The following MICAL3 variants were observed in gnomAD, a reference collection of about 807,000 sequenced individuals.
MICAL3 encodes [F-actin]-monooxygenase MICAL3.
MICAL3 carries 62 observed loss-of-function variants against 207.4 expected under a neutral mutation model. The observed-to-expected ratio is 0.30, with a 90% CI of 0.24 to 0.37. The LOEUF is 0.37. MICAL3 is among the 10% of genes least tolerant of loss of function. The pLI is 1.00. For missense variants in MICAL3, 2,368 were observed against 2,635.6 expected (o/e 0.90, Z 2.22); for synonymous variants, 1,077 against 1,069.3 (o/e 1.01, Z -0.14).
At chr22:17,958,234 C>T (rs562660179) in intron 1 of MICAL3, among the ~76,000 whole-genome samples, 1 of 152,314 alleles carries the variant, frequency 6.6e-6, no homozygotes, top group East Asian at 1.9e-4. Flanking sequence ...TCTCCAATTC[C>T]TCTGTCCATT....
At chr22:17,833,720 C>T (rs1311055543) in intron 20 of MICAL3, among the ~76,000 whole-genome samples, 13 of 152,296 alleles carry the variant, frequency 8.5e-5, no homozygotes, top group Non-Finnish European at 1.2e-4. Flanking sequence ...TTGGGTAGCA[C>T]GGTATCCAGT....
At chr22:17,798,088 G>C (rs550714579) in intron 29 of MICAL3, among the ~76,000 whole-genome samples, 1 of 152,244 alleles carries the variant, frequency 6.6e-6, no homozygotes, top group African/African-American at 2.4e-5. Context: ...ATTTCCCCAG[G>C]GAACACGGGT....
chr22:17,804,401 G>A (rs2061969426), intron 29 of MICAL3, among the ~76,000 whole-genome samples: 1 of 152,248 alleles, frequency 6.6e-6, no homozygotes, highest in African/African-American at 2.4e-5. Context: ...ATGCCTTGCA[G>A]ACCCACTTTT....
At chr22:17,845,888 T>C (rs1183341985) in intron 19 of MICAL3, among the ~76,000 whole-genome samples, 1 of 152,230 alleles carries the variant, frequency 6.6e-6, no homozygotes, top group Non-Finnish European at 1.5e-5. Flanking sequence ...GCATCTGGAA[T>C]GACAGACACT....
At chr22:17,851,926 G>A (rs1925380910) in intron 19 of MICAL3, among the ~76,000 whole-genome samples, 2 of 152,220 alleles carry the variant, frequency 1.3e-5, no homozygotes, top group African/African-American at 4.8e-5. Flanking sequence ...GGCGGGTGAA[G>A]GGCAGAGGAG....
At chr22:17,978,665 G>A (rs9605470) in intron 1 of MICAL3, among the ~76,000 whole-genome samples, 1 of 151,342 alleles carries the variant, frequency 6.6e-6, no homozygotes, top group African/African-American at 2.4e-5. Context: ...ATTACAGGCA[G>A]CTACCACCAC....
intron 1 of MICAL3, among the ~76,000 whole-genome samples, chr22:17,930,263 A>G (rs1392209581): frequency 6.6e-6 from 1 of 152,234 alleles, no homozygotes; most frequent in East Asian, 1.9e-4. Context: ...TCTTGAAGCT[A>G]CATACACATC....
Position 17,828,418 on chromosome 22 carries a change from C to T in MICAL3, c.3056-637G>A, listed in dbSNP as rs987956227. ...GCTGCTGCTGGAGAGAAAAAGTCCC[C>T]GTCCCTTAGTGGGCCTCATGCTGCA... On this transcript the variant is annotated intron_variant, in intron 21 of 31. Transcript: ENST00000441493. Among the ~76,000 whole-genome samples the T allele has an allele frequency of 9.9e-5, 15 of 152,242 alleles. 1 individual carries two copies. Among genetic ancestry groups the T allele is most frequent in the African/African-American group, 2.9e-4 (12 of 41,470 alleles).
chr22:17,927,907 T>C (rs1357755319), intron 1 of MICAL3, among the ~76,000 whole-genome samples: 2 of 152,154 alleles, frequency 1.3e-5, no homozygotes, highest in African/African-American at 4.8e-5. Context: ...AGACAGCAAG[T>C]GGCTCTGCGT....
intron 6 of MICAL3, 69 bp from the exon 7 acceptor site, chr22:17,899,617 G>T: frequency 9.9e-7 from 1 of 1,008,440 alleles, no homozygotes; most frequent in Non-Finnish European, 1.5e-6. Context: ...CAGGCTGAAA[G>T]GTTACACACA....
chr22:17,987,229 A>G (rs1921123873), intron 1 of MICAL3, among the ~76,000 whole-genome samples: 1 of 152,206 alleles, frequency 6.6e-6, no homozygotes, highest in Non-Finnish European at 1.5e-5. Context: ...TGACAGAGCA[A>G]GACCCTAACT....
At chr22:18,008,066 T>C (rs1002898428) in intron 1 of MICAL3, among the ~76,000 whole-genome samples, 7 of 147,044 alleles carry the variant, frequency 4.8e-5, no homozygotes, top group African/African-American at 1.8e-4. Context: ...CATGGTGAAA[T>C]ACTAAAATAC....
At position 17,900,232 on chromosome 22, in the gene MICAL3, A is replaced by T. The variant is rs1483566356; in HGVS notation, c.847+610T>A. On this transcript the variant is annotated intron_variant, in intron 6 of 31. Transcript: ENST00000441493. The surrounding 1 kb of genome is among the most constrained non-coding windows in gnomAD (Gnocchi z 4.0). ...CCGGCCAGCAGCTACACCAAGCAGCATGCCTCAGCATCACAGCACAGGGCA... is the reference window on the plus strand; with the variant it reads ...CCGGCCAGCAGCTACACCAAGCAGCTTGCCTCAGCATCACAGCACAGGGCA... 1.3e-5 allele frequency among the ~76,000 whole-genome samples: 2 copies of T among 152,232 alleles called. No individual in the cohort carries two copies. The highest frequency in any genetic ancestry group is 3.8e-4 in the East Asian group (2 of 5,198).
Position 17,818,657 on chromosome 22 carries a change from C to T in MICAL3, c.4004G>A (p.Arg1335His), listed in dbSNP as rs368880854. 3.7e-6 allele frequency: 6 copies of T among 1,613,504 alleles called. 1 individual carries two copies. In the South Asian group the frequency reaches 4.4e-5, roughly 12 times the overall value. ...CACAGGTGTGAGCCCGAGGCTGCGG[C>T]GGATCTCCGCACTCTTCATCCAGAA... ...EEFWMKSAEIRRSLGLTPVDR... is the reference protein window; with the variant it reads ...EEFWMKSAEIHRSLGLTPVDR... The change falls in exon 26 of 32, where the codon CGC (arginine) becomes CAC (histidine). Residue 1335 changes from arginine to histidine, a missense_variant. By Grantham distance (29) the Arg-to-His change is conservative (BLOSUM62 0). Around this residue, in one of 4 missense-constraint regions of MICAL3, gnomAD observed 1,770 missense variants for 1,863.2 expected, o/e 0.95. Transcript: ENST00000441493.
At chr22:18,018,768 C>G (rs200285258) in intron 1 of MICAL3, among the ~76,000 whole-genome samples, 1 of 138,168 alleles carries the variant, frequency 7.2e-6, no homozygotes, top group Non-Finnish European at 1.6e-5. Flanking sequence ...ATCTATCTAT[C>G]TACACACACA....
At chr22:17,996,445 G>GAA (rs113489535) in intron 1 of MICAL3, among the ~76,000 whole-genome samples, 5,494 of 136,266 alleles carry the variant, frequency 0.04, 337 homozygotes, top group African/African-American at 0.14. Flanking sequence ...CTCCATCTCA[G>GAA]AAAAAAAAAA....
intron 19 of MICAL3, among the ~76,000 whole-genome samples, chr22:17,859,821 T>A (rs1325436569): frequency 6.6e-6 from 1 of 152,050 alleles, no homozygotes; most frequent in Non-Finnish European, 1.5e-5. Context: ...TTTCTACCCC[T>A]CCATCCGCCC....
chr22:17,879,448 ATT>A (rs1569112184), intron 16 of MICAL3: 1 of 1,524,398 alleles, frequency 6.6e-7, no homozygotes, highest in Non-Finnish European at 9.0e-7. Context: ...ATATCGCTCT[ATT>A]TGGACCTACT....
intron 16 of MICAL3, chr22:17,875,314 T>C: frequency 2.0e-6 from 1 of 487,826 alleles, no homozygotes; most frequent in South Asian, 3.1e-5. Context: ...CAGCAACACA[T>C]GCAGCTGGCT....
Sources: gnomAD v4.1 joint callset for allele counts (sites outside exome capture counted in the v4.1 genomes callset) on GRCh38, gnomAD v4.1.1 for gene constraint, gnomAD v4.1.1 regional missense constraint, Gnocchi (gnomAD v3.1) non-coding constraint, MANE v1.5 for transcripts, NCBI Gene and HGNC (gene_info 2026-07-23, HGNC 2026-07-21) for gene names.